Variants in NRXN1 observed in about 807,000 individuals in gnomAD.
NRXN1 encodes the protein neurexin 1.
Under a neutral mutation model 150.9 loss-of-function variants are expected in NRXN1, and 39 were observed. The observed-to-expected ratio is 0.26, with a 90% CI of 0.20 to 0.34. The LOEUF is 0.34. NRXN1 is among the 10% of genes least tolerant of loss of function. The pLI, the probability that NRXN1 is intolerant of heterozygous loss-of-function variation, is 1.00. For synonymous variants in NRXN1, 924 were observed against 757.0 expected, an observed-to-expected ratio of 1.22 and a Z score of -3.62; for missense variants, 1,815 against 1,949.9, an observed-to-expected ratio of 0.93 and a Z score of 1.30.
intron 18 of NRXN1, among the ~76,000 whole-genome samples, chr2:50,152,824 C>T (rs187653662): frequency 1.3e-5 from 2 of 151,628 alleles, no homozygotes; most frequent in East Asian, 1.9e-4. Flanking sequence ...TCCTACTTTA[C>T]ATGTTTTGAA....
At chr2:49,956,947 TG>T (rs1302200012) in intron 21 of NRXN1, among the ~76,000 whole-genome samples, 1 of 152,142 alleles carries the variant, frequency 6.6e-6, no homozygotes, top group Non-Finnish European at 1.5e-5. Flanking sequence ...TAGGGGAAAT[TG>T]GCAGCTTTTA....
chr2:50,305,809 C>T (rs991957704), intron 17 of NRXN1, among the ~76,000 whole-genome samples: 2 of 152,152 alleles, frequency 1.3e-5, no homozygotes, highest in Non-Finnish European at 2.9e-5. Flanking sequence ...TCCCAATGTT[C>T]CTGCCCTTGG....
chr2:50,440,290 G>C (rs536416306), intron 17 of NRXN1, among the ~76,000 whole-genome samples: 4 of 152,232 alleles, frequency 2.6e-5, no homozygotes, highest in African/African-American at 9.6e-5. Flanking sequence ...TCTCCAAAGA[G>C]ATTCTTAGAG....
chr2:50,009,619 C>G (rs1461169429), intron 21 of NRXN1, among the ~76,000 whole-genome samples: 1 of 152,040 alleles, frequency 6.6e-6, no homozygotes, highest in Non-Finnish European at 1.5e-5. Flanking sequence ...AGCATATTTA[C>G]TAAGGTTTGT....
chr2:50,158,429 G>C (rs2059158405), intron 18 of NRXN1, among the ~76,000 whole-genome samples: 1 of 151,628 alleles, frequency 6.6e-6, no homozygotes, highest in African/African-American at 2.4e-5. Context: ...AAAACACCAA[G>C]AGAAATTAAA....
At chr2:50,426,463 G>T (rs1303940412) in intron 17 of NRXN1, among the ~76,000 whole-genome samples, 2 of 152,086 alleles carry the variant, frequency 1.3e-5, no homozygotes, top group Non-Finnish European at 2.9e-5. Context: ...TTTTTTAATA[G>T]CATGCGTACT....
chr2:50,279,124 T>C (rs2071060676), intron 17 of NRXN1, among the ~76,000 whole-genome samples: 1 of 152,196 alleles, frequency 6.6e-6, no homozygotes, highest in Non-Finnish European at 1.5e-5. Flanking sequence ...TTCAAATCAT[T>C]GGCCTGTACA....
intron 19 of NRXN1, among the ~76,000 whole-genome samples, chr2:50,089,482 T>C (rs2152694518): frequency 6.6e-6 from 1 of 152,310 alleles, no homozygotes; most frequent in South Asian, 2.1e-4. Context: ...TTTTAGCTAT[T>C]ACTTTTAAAA....
intron 15 of NRXN1, among the ~76,000 whole-genome samples, chr2:50,482,029 A>G (rs2090508644): frequency 7.3e-6 from 1 of 137,214 alleles, no homozygotes; most frequent in Non-Finnish European, 1.5e-5. Flanking sequence ...CGGCCTCCCA[A>G]AGTGCTGGGA....
intron 8 of NRXN1, among the ~76,000 whole-genome samples, chr2:50,559,563 G>C (rs1668746000): frequency 6.6e-6 from 1 of 152,048 alleles, no homozygotes; most frequent in Admixed American, 6.5e-5. Flanking sequence ...ACATTTGCTA[G>C]TGGTAACTAT....
chr2:50,506,562 G>A lies in NRXN1; in HGVS notation c.2430C>T (p.His810=), dbSNP rs1055440455. ...TTCCACGCCGAACTACACGCACTGT[G>A]TGCCACTCGTTATCATTGAGGTTAT... The part of the protein sequence containing the change: ...AGYNLNDNEW[H]TVRVVRRGKS... Residue 810 remains histidine, a synonymous_variant, in exon 13 of 23, where the codon CAC becomes CAT. Transcript: ENST00000401669. 6.2e-7 allele frequency: 1 copy of A among 1,613,370 alleles called. No individual in the cohort carries two copies. The highest frequency in any genetic ancestry group is 8.5e-7 in the Non-Finnish European group (1 of 1,179,556).
chr2:50,102,200 T>C (rs1359700952), intron 18 of NRXN1, among the ~76,000 whole-genome samples: 5 of 152,022 alleles, frequency 3.3e-5, no homozygotes, highest in Non-Finnish European at 7.4e-5. Flanking sequence ...CTAATGATTA[T>C]AACTTTTTTC....
intron 17 of NRXN1, among the ~76,000 whole-genome samples, chr2:50,273,068 T>C (rs950072287): frequency 1.3e-5 from 2 of 152,072 alleles, no homozygotes; most frequent in African/African-American, 4.8e-5. Context: ...CAAAAACATG[T>C]CCAACCACCT....
chr2:50,271,229 G>A (rs1327676292), intron 17 of NRXN1, among the ~76,000 whole-genome samples: 1 of 152,154 alleles, frequency 6.6e-6, no homozygotes, highest in Non-Finnish European at 1.5e-5. Context: ...TGTGGAGTCT[G>A]ATAATTGAAC....
chr2:50,253,455 G>A (rs4429511), intron 17 of NRXN1, among the ~76,000 whole-genome samples: 86,656 of 151,876 alleles, frequency 0.57, 25,237 homozygotes, highest in African/African-American at 0.67. Flanking sequence ...AATGTTGATT[G>A]GAAGTTGTGA....
intron 5 of NRXN1, among the ~76,000 whole-genome samples, chr2:50,695,268 C>G (rs1438166652): frequency 6.6e-6 from 1 of 152,048 alleles, no homozygotes; most frequent in South Asian, 2.1e-4. Flanking sequence ...GTATTATTTA[C>G]CGACAAATGT....
rs73930566 is a variant in NRXN1 at position 50,532,849 on chromosome 2, T to C, written c.2144-1419A>G. 9.5e-3 allele frequency among the ~76,000 whole-genome samples: 1,447 copies of C among 152,250 alleles called. 28 individuals carry two copies. Among genetic ancestry groups the C allele is most frequent in the African/African-American group, 0.033 (1,388 of 41,544 alleles). ...TTAAGCACCATATGGTAGTGGAATA[T>C]TGCAAAACAAGCGTGAATCAGTTTG... is the stretch of plus-strand genomic sequence containing the variant. On this transcript the variant is annotated intron_variant, in intron 10 of 22. Transcript: ENST00000401669.
chr2:49,924,263 T>G (rs925298025), intron 22 of NRXN1, among the ~76,000 whole-genome samples: 45 of 152,326 alleles, frequency 3.0e-4, no homozygotes, highest in African/African-American at 1.0e-3. Context: ...TAAACACATT[T>G]TCACAATTAC....
At chr2:50,840,005 C>T (rs1672646092) in intron 5 of NRXN1, among the ~76,000 whole-genome samples, 1 of 152,100 alleles carries the variant, frequency 6.6e-6, no homozygotes, top group Non-Finnish European at 1.5e-5. Context: ...CTTTTCACTT[C>T]TAATAAATAA....
Sources: allele counts gnomAD v4.1 joint callset (sites outside exome capture counted in the v4.1 genomes callset), GRCh38; gene constraint gnomAD v4.1.1; transcripts MANE v1.5; gene names NCBI Gene and HGNC (gene_info 2026-07-23, HGNC 2026-07-21).